EHBP1: variants seen among roughly 807,000 people sequenced by gnomAD.
EHBP1 encodes the protein EH domain binding protein 1, also known as EH domain-binding protein 1.
In EHBP1, 55 loss-of-function variants were observed where a neutral mutation model predicts 144.0. The ratio of observed to expected loss-of-function variants is 0.38; its 90% CI spans 0.31 to 0.48. The LOEUF is 0.48. Ranked by LOEUF, EHBP1 falls within the 20% of genes least tolerant of loss-of-function variation. EHBP1 has a pLI of 0.98. For missense variants in EHBP1, 1,200 were observed against 1,364.2 expected, an observed-to-expected ratio of 0.88 and a Z score of 1.90; for synonymous variants, 469 against 472.7, an observed-to-expected ratio of 0.99 and a Z score of 0.10.
In EHBP1 at chr2:62,996,672, A is replaced by G. The variant is rs764918986; in HGVS notation, c.3009A>G (p.Val1003=). The change falls in exon 19 of 23, where the codon GTA becomes GTG. Residue 1003 remains valine, a synonymous_variant. Transcript: ENST00000431489. ...GGTTCAAAGACACCAGTCAGTATGT[A>G]GTAGGAGAATTGGCAGCACTAGAGA... The part of the protein sequence containing the change: ...NKGFKDTSQY[V]VGELAALENE... 12 of 1,613,378 alleles carry G rather than the reference A, an allele frequency of 7.4e-6. 1 individual carries two copies. The South Asian group carries it at 1.1e-4, about 15-fold the overall frequency.
chr2:63,010,012 C>A (rs1292346529), intron 19 of EHBP1, among the ~76,000 whole-genome samples: 1 of 151,402 alleles, frequency 6.6e-6, no homozygotes, highest in Non-Finnish European at 1.5e-5. Context: ...TTGTACTATA[C>A]TCACCTATTT....
intron 13 of EHBP1, 43 bp downstream of exon 13, chr2:62,949,205 T>A: frequency 6.9e-7 from 1 of 1,454,756 alleles, no homozygotes; most frequent in Non-Finnish European, 9.2e-7. Flanking sequence ...AGTAATTAGT[T>A]ATTCTCTGTT....
chr2:62,754,693 G>GC (rs1316932719), intron 3 of EHBP1, among the ~76,000 whole-genome samples: 1 of 152,216 alleles, frequency 6.6e-6, no homozygotes, highest in Non-Finnish European at 1.5e-5. Context: ...AATGGTGGGT[G>GC]CCCCTCCCGC....
chr2:62,689,823 C>A (rs1462854398), intron 1 of EHBP1, among the ~76,000 whole-genome samples: 1 of 151,996 alleles, frequency 6.6e-6, no homozygotes, highest in Non-Finnish European at 1.5e-5. Context: ...TTTAAAGTGA[C>A]GTTTTAGTCC....
intron 5 of EHBP1, among the ~76,000 whole-genome samples, chr2:62,815,641 G>T (rs1461347215): frequency 2.0e-5 from 3 of 152,120 alleles, no homozygotes. Flanking sequence ...TTGGGTATTT[G>T]GCAAATGTTT....
intron 2 of EHBP1, among the ~76,000 whole-genome samples, chr2:62,722,015 A>G (rs934108051): frequency 2.0e-5 from 3 of 152,166 alleles, no homozygotes; most frequent in African/African-American, 7.2e-5. Context: ...TATTTGCTTT[A>G]TCAATCTCTC....
intron 1 of EHBP1, among the ~76,000 whole-genome samples, chr2:62,688,807 A>T (rs1249791673): frequency 6.6e-6 from 1 of 152,230 alleles, no homozygotes; most frequent in Non-Finnish European, 1.5e-5. Flanking sequence ...CACTTCTGAA[A>T]TGGGCAAATC....
Position 63,008,018 on chromosome 2 carries a change from C to T in EHBP1, c.3103+11252C>T, listed in dbSNP as rs568052807. On this transcript the variant is annotated intron_variant, in intron 19 of 22. Coordinates refer to ENST00000431489, the MANE Select transcript of EHBP1 (RefSeq NM_001142616.3). ...GCTTGGTGTGAGCCTTTCAAGCATT[C>T]TTAAACAATTGGATGAAAAGGGATT... 5.3e-5 allele frequency among the ~76,000 whole-genome samples: 8 copies of T among 151,802 alleles called. No homozygotes were observed. In the East Asian group the frequency reaches 1.5e-3, roughly 29 times the overall value.
intron 10 of EHBP1, among the ~76,000 whole-genome samples, chr2:62,903,738 C>A (rs1271880062): frequency 9.9e-5 from 15 of 152,074 alleles, no homozygotes; most frequent in Admixed American, 4.6e-4. Flanking sequence ...TGCACTCCAG[C>A]CTGGCCAATA....
intron 5 of EHBP1, among the ~76,000 whole-genome samples, chr2:62,819,864 G>A (rs894987122): frequency 4.6e-5 from 7 of 152,090 alleles, no homozygotes; most frequent in East Asian, 1.9e-4. Context: ...TATTAGGAGC[G>A]ATGAAATTTA....
At chr2:62,919,154 G>A (rs1307643002) in intron 10 of EHBP1, among the ~76,000 whole-genome samples, 1 of 152,136 alleles carries the variant, frequency 6.6e-6, no homozygotes, top group Non-Finnish European at 1.5e-5. Context: ...TTCTCTTATT[G>A]CTGATTGCTG....
At chr2:63,029,235 G>A (rs1341998182) in intron 19 of EHBP1, among the ~76,000 whole-genome samples, 1 of 151,846 alleles carries the variant, frequency 6.6e-6, no homozygotes, top group African/African-American at 2.4e-5. Flanking sequence ...TGCTGACCCT[G>A]TAGGGCATCT....
chr2:62,792,108 C>T (rs1054729640), intron 5 of EHBP1, among the ~76,000 whole-genome samples: 1 of 152,022 alleles, frequency 6.6e-6, no homozygotes, highest in African/African-American at 2.4e-5. Flanking sequence ...TATTGGTTTA[C>T]AAGTACTACT....
rs759081121 is a variant in EHBP1, at chr2:63,045,215, C to T, written c.3392+35C>T. 2.7e-5 allele frequency: 42 copies of T among 1,537,982 alleles called. No individual in the cohort carries two copies. The South Asian group carries it at 4.8e-4, about 18-fold the overall frequency. ...CAGTGGGGTCGGGTCGAGGCTGGGC[C>T]ACCTGCCGAGGGGCCGAGAAGTGTG... is the stretch of plus-strand genomic sequence containing the variant. On this transcript the variant is annotated intron_variant, in intron 22 of 22. Transcript: ENST00000431489. The surrounding 1 kb of genome is among the most constrained non-coding windows in gnomAD (Gnocchi z 5.7).
intron 5 of EHBP1, among the ~76,000 whole-genome samples, chr2:62,804,738 G>A (rs993950163): frequency 1.3e-5 from 2 of 152,204 alleles, no homozygotes; most frequent in Non-Finnish European, 2.9e-5. Context: ...TGGCCTGTTA[G>A]GAACCAGGCT....
chr2:63,028,481 G>T (rs1211271638), intron 19 of EHBP1, among the ~76,000 whole-genome samples: 1 of 151,868 alleles, frequency 6.6e-6, no homozygotes, highest in Non-Finnish European at 1.5e-5. Context: ...TGTTCCACAG[G>T]CTGGCCTTGA....
chr2:62,699,181 G>A (rs1349851252), intron 1 of EHBP1, among the ~76,000 whole-genome samples: 2 of 152,128 alleles, frequency 1.3e-5, no homozygotes, highest in African/African-American at 4.8e-5. Context: ...AATCATCTAT[G>A]AATTATTCAG....
chr2:62,997,426 TCA>T (rs1491219581), intron 19 of EHBP1, among the ~76,000 whole-genome samples: 4 of 112,264 alleles, frequency 3.6e-5, no homozygotes, highest in Non-Finnish European at 3.6e-5. Context: ...GGAAAGGAAC[TCA>T]TGTGTGTGTG....
chr2:62,792,174 A>G (rs1216858862), intron 5 of EHBP1, among the ~76,000 whole-genome samples: 2 of 152,006 alleles, frequency 1.3e-5, no homozygotes, highest in Non-Finnish European at 2.9e-5. Context: ...TGATACAGTT[A>G]ATTAAAGTAC....
Sources: allele counts gnomAD v4.1 joint callset (sites outside exome capture counted in the v4.1 genomes callset), GRCh38; gene constraint gnomAD v4.1.1; non-coding constraint Gnocchi (gnomAD v3.1); transcripts MANE v1.5; gene names NCBI Gene and HGNC (gene_info 2026-07-23, HGNC 2026-07-21).